Variants in TNKS observed in about 807,000 individuals in gnomAD.
TNKS encodes poly [ADP-ribose] polymerase tankyrase-1.
Under a neutral mutation model 135.8 loss-of-function variants are expected in TNKS, and 72 were observed. That is an observed-to-expected ratio of 0.53 (90% CI 0.44 to 0.64). The LOEUF is 0.64. Ranked by LOEUF, TNKS falls within the 30% of genes least tolerant of loss-of-function variation. TNKS has a pLI of 0.00. For synonymous variants in TNKS, 849 were observed against 649.3 expected, an observed-to-expected ratio of 1.31 and a Z score of -4.68; for missense variants, 1,769 against 1,674.0, an observed-to-expected ratio of 1.06 and a Z score of -0.99.
At chr8:9,634,853 G>A (rs1034487922) in intron 3 of TNKS, among the ~76,000 whole-genome samples, 3 of 152,160 alleles carry the variant, frequency 2.0e-5, no homozygotes, top group African/African-American at 7.2e-5. Flanking sequence ...AGGTGTAAAA[G>A]GAGCCTGGAA....
chr8:9,700,559 C>G (rs1348386318), intron 5 of TNKS, among the ~76,000 whole-genome samples: 1 of 152,020 alleles, frequency 6.6e-6, no homozygotes, highest in Non-Finnish European at 1.5e-5. Flanking sequence ...ATTCAGTAAA[C>G]CCAGACCTCA....
chr8:9,669,002 A>C lies in TNKS; in HGVS notation c.995-10949A>C, dbSNP rs13252514. On this transcript the variant is annotated intron_variant, in intron 3 of 26. Coordinates refer to ENST00000310430, the MANE Select transcript of TNKS (RefSeq NM_003747.3). ...TAGGAGAATAAACTAATTAAAGCAG[A>C]AATTAATGTAACTGAATTAAGGGCT... Among the ~76,000 whole-genome samples, 4 of 152,130 alleles carry C rather than the reference A, an allele frequency of 2.6e-5. No homozygotes were observed. The South Asian group carries it at 8.3e-4, about 31-fold the overall frequency.
intron 5 of TNKS, among the ~76,000 whole-genome samples, chr8:9,689,413 GA>G (rs1179449050): frequency 6.6e-6 from 1 of 152,046 alleles, no homozygotes; most frequent in Non-Finnish European, 1.5e-5. Flanking sequence ...ATAATCACTT[GA>G]AATGCATATT....
Position 9,588,512 on chromosome 8 carries a change from G to A in TNKS, c.898+8129G>A, listed in dbSNP as rs981664851. ...AGGATGGTCTCTATCTCCTGACCTC[G>A]TGATCCGCCCACCTCGGCGTTCCAA... On this transcript the variant is annotated intron_variant, in intron 2 of 26. Coordinates refer to ENST00000310430, the MANE Select transcript of TNKS (RefSeq NM_003747.3). 2.0e-5 allele frequency among the ~76,000 whole-genome samples: 3 copies of A among 152,164 alleles called. No homozygotes were observed. In the East Asian group the frequency reaches 5.8e-4, roughly 29 times the overall value.
At chr8:9,768,566 C>T (rs1209441059) in intron 25 of TNKS, among the ~76,000 whole-genome samples, 1 of 152,238 alleles carries the variant, frequency 6.6e-6, no homozygotes, top group Admixed American at 6.5e-5. Context: ...CAGCTCTCTA[C>T]TTGCCCATCT....
rs1324119973 is a variant in TNKS at position 9,764,791 on chromosome 8, G to GTAAGT, written c.3447+3_3447+7dup. 2.5e-6 allele frequency: 4 copies of GTAAGT among 1,586,220 alleles called. No individual in the cohort carries two copies. The highest frequency in any genetic ancestry group is 2.7e-5 in the African/African-American group (2 of 73,408). On this transcript the variant is annotated splice_donor_variant, in intron 23 of 26. Coordinates refer to ENST00000310430, the MANE Select transcript of TNKS (RefSeq NM_003747.3). LOFTEE classifies it high-confidence loss of function. ...CTTCAACAGATACAATGTCATTCGA[G>GTAAGT]TAAGTTTTTAAAGTTTCATGGTGAA...
At chr8:9,633,229 A>T (rs1369496817) in intron 3 of TNKS, among the ~76,000 whole-genome samples, 2 of 152,136 alleles carry the variant, frequency 1.3e-5, no homozygotes, top group Non-Finnish European at 2.9e-5. Context: ...CCGGAACTGG[A>T]TTTTCTAAGT....
At chr8:9,595,689 A>C (rs1388920607) in intron 2 of TNKS, among the ~76,000 whole-genome samples, 2 of 152,098 alleles carry the variant, frequency 1.3e-5, no homozygotes, top group African/African-American at 4.8e-5. Context: ...AAAGCAAAAA[A>C]CTAGAAAAAA....
At chr8:9,613,569 A>C (rs577192172) in intron 2 of TNKS, among the ~76,000 whole-genome samples, 4 of 152,248 alleles carry the variant, frequency 2.6e-5, no homozygotes, top group African/African-American at 9.6e-5. Context: ...TGGTTTAGAA[A>C]GTTCAGCTGC....
intron 2 of TNKS, among the ~76,000 whole-genome samples, chr8:9,607,932 G>A (rs1047342037): frequency 2.6e-5 from 4 of 151,956 alleles, no homozygotes; most frequent in Non-Finnish European, 2.9e-5. Flanking sequence ...TGATGACACC[G>A]CCTTGATTTG....
intron 5 of TNKS, among the ~76,000 whole-genome samples, chr8:9,682,231 C>T (rs1057028200): frequency 6.6e-6 from 1 of 152,060 alleles, no homozygotes; most frequent in African/African-American, 2.4e-5. Flanking sequence ...GAGCTTGTTT[C>T]GCCCGGCCTA....
At chr8:9,676,684 C>CTG (rs762391942) in intron 3 of TNKS, among the ~76,000 whole-genome samples, 85 of 59,210 alleles carry the variant, frequency 1.4e-3, no homozygotes, top group African/African-American at 4.8e-3. Flanking sequence ...CTCTCTCTCT[C>CTG]TCTGTGTGTG....
intron 2 of TNKS, among the ~76,000 whole-genome samples, chr8:9,598,880 G>T (rs868087552): frequency 6.8e-6 from 1 of 147,402 alleles, no homozygotes; most frequent in Non-Finnish European, 1.5e-5. Flanking sequence ...TAGTAAGTCC[G>T]TGAGGCCTTG....
chr8:9,757,338 G>A (rs1806893038), intron 20 of TNKS, among the ~76,000 whole-genome samples: 1 of 152,098 alleles, frequency 6.6e-6, no homozygotes, highest in South Asian at 2.1e-4. Flanking sequence ...TCCTCTCTGT[G>A]CCTGCTGCTC....
chr8:9,764,654 T>C, intron 22 of TNKS, 62 bp from the exon 23 acceptor site: 3 of 1,282,946 alleles, frequency 2.3e-6, no homozygotes, highest in Non-Finnish European at 3.3e-6. Flanking sequence ...AATTTTAGAC[T>C]CATCATTGTC....
intron 2 of TNKS, among the ~76,000 whole-genome samples, chr8:9,587,689 A>G (rs559415162): frequency 6.6e-6 from 1 of 152,314 alleles, no homozygotes; most frequent in Non-Finnish European, 1.5e-5. Context: ...GGCGTGAGCC[A>G]CTGCGCCTGG....
chr8:9,702,885 G>C (rs1289120969), intron 5 of TNKS, among the ~76,000 whole-genome samples: 1 of 152,054 alleles, frequency 6.6e-6, no homozygotes, highest in African/African-American at 2.4e-5. Flanking sequence ...GTATGGTGGT[G>C]CGCGCCTGTA....
At chr8:9,630,920 C>G (rs974074560) in intron 3 of TNKS, among the ~76,000 whole-genome samples, 6 of 152,172 alleles carry the variant, frequency 3.9e-5, no homozygotes, top group Admixed American at 3.9e-4. Context: ...TTTACTATAT[C>G]TAATGTAAAG....
intron 17 of TNKS, among the ~76,000 whole-genome samples, chr8:9,740,709 C>G (rs1428148694): frequency 3.3e-5 from 5 of 151,954 alleles, no homozygotes; most frequent in Admixed American, 6.6e-5. Context: ...GAAATTTTAA[C>G]CTTCCTTCAC....
Sources: allele counts gnomAD v4.1 joint callset (sites outside exome capture counted in the v4.1 genomes callset), GRCh38; gene constraint gnomAD v4.1.1; transcripts MANE v1.5; gene names NCBI Gene and HGNC (gene_info 2026-07-23, HGNC 2026-07-21).